The following GABRA5 variants were observed in gnomAD, a reference collection of about 807,000 sequenced individuals.
GABRA5 encodes gamma-aminobutyric acid receptor subunit alpha-5.
In GABRA5, 18 loss-of-function variants were observed where a neutral mutation model predicts 47.3. The observed-to-expected ratio is 0.38, with a 90% CI of 0.26 to 0.56. The LOEUF (loss-of-function observed/expected upper bound fraction) is 0.56. Among genes scored for constraint, GABRA5 ranks in the 20% least tolerant of loss-of-function variants. GABRA5 has a pLI of 0.71. For synonymous variants in GABRA5, 237 were observed against 229.3 expected (o/e 1.03, Z -0.30); for missense variants, 365 against 599.3 (o/e 0.61, Z 4.08).
At chr15:26,933,132 G>A (rs1894149892) in intron 7 of GABRA5, among the ~76,000 whole-genome samples, 1 of 151,894 alleles carries the variant, frequency 6.6e-6, no homozygotes, top group Admixed American at 6.6e-5. Context: ...GGCAGTGTGA[G>A]TGATGTTTGT....
intron 6 of GABRA5, among the ~76,000 whole-genome samples, chr15:26,889,707 C>G (rs1395566178): frequency 6.6e-6 from 1 of 152,134 alleles, no homozygotes; most frequent in Non-Finnish European, 1.5e-5. Flanking sequence ...TATTGGCTGA[C>G]TTGCAATTTT....
chr15:26,933,603 C>G (rs949671748), intron 7 of GABRA5, among the ~76,000 whole-genome samples: 4 of 152,230 alleles, frequency 2.6e-5, no homozygotes, highest in Non-Finnish European at 4.4e-5. Flanking sequence ...GACTCTCTCC[C>G]TGTCAGGCCA....
intron 7 of GABRA5, among the ~76,000 whole-genome samples, chr15:26,928,893 G>C (rs777579547): frequency 1.1e-4 from 17 of 152,158 alleles, no homozygotes; most frequent in Non-Finnish European, 2.4e-4. Flanking sequence ...TGGAAGGGGT[G>C]AGTGAATTCC....
intron 6 of GABRA5, among the ~76,000 whole-genome samples, chr15:26,885,395 C>G (rs891512806): frequency 3.0e-4 from 45 of 151,858 alleles, no homozygotes; most frequent in African/African-American, 9.9e-4. Context: ...TCTGGAGACA[C>G]AATCAGGGAC....
At chr15:26,877,808 T>C (rs910310178) in intron 3 of GABRA5, 1 of 377,622 alleles carries the variant, frequency 2.6e-6, no homozygotes, top group African/African-American at 2.1e-5. Flanking sequence ...GAGAACCTAG[T>C]GAATTAACCC....
intron 6 of GABRA5, among the ~76,000 whole-genome samples, chr15:26,906,021 G>C (rs1215458355): frequency 2.0e-5 from 3 of 151,858 alleles, no homozygotes; most frequent in Non-Finnish European, 4.4e-5. Context: ...CCTTTGAACA[G>C]GCCATTGTTT....
At chr15:26,884,705 A>G (rs1892830485) in intron 6 of GABRA5, among the ~76,000 whole-genome samples, 3 of 152,014 alleles carry the variant, frequency 2.0e-5, no homozygotes, top group Non-Finnish European at 4.4e-5. Context: ...TTAAAGGGGA[A>G]AAAAAAATCA....
intron 6 of GABRA5, among the ~76,000 whole-genome samples, chr15:26,887,000 C>T (rs576983923): frequency 6.6e-6 from 1 of 152,152 alleles, no homozygotes; most frequent in Non-Finnish European, 1.5e-5. Context: ...CACCAAAGCA[C>T]GAATCACCCT....
chr15:26,909,546 T>C lies in GABRA5; in HGVS notation c.498-5257T>C, dbSNP rs963738057. The stretch of plus-strand genomic sequence containing the variant: ...GGCTACAGTCAAGCTGTTGGCAGGA[T>C]TGCATTTCTTTTGGACGCTCTAGGG... On this transcript the variant is annotated intron_variant, in intron 6 of 10. Coordinates refer to ENST00000335625, the MANE Select transcript of GABRA5 (RefSeq NM_000810.4). Among the ~76,000 whole-genome samples the C allele has an allele frequency of 5.3e-5, 8 of 152,260 alleles. No homozygotes were observed. The South Asian group carries it at 1.0e-3, about 20-fold the overall frequency.
At chr15:26,873,903 A>G (rs1892530153) in intron 3 of GABRA5, among the ~76,000 whole-genome samples, 1 of 152,254 alleles carries the variant, frequency 6.6e-6, no homozygotes, top group South Asian at 2.1e-4. Flanking sequence ...TAGGTGGTTA[A>G]AAGAGGACTA....
At chr15:26,926,574 A>AGGGG in intron 7 of GABRA5, among the ~76,000 whole-genome samples, 1 of 152,140 alleles carries the variant, frequency 6.6e-6, no homozygotes, top group Non-Finnish European at 1.5e-5. Context: ...CATTACTTAG[A>AGGGG]ACAAAGGACC....
chr15:26,942,978 G>T (rs549303072), intron 9 of GABRA5, among the ~76,000 whole-genome samples: 1 of 152,298 alleles, frequency 6.6e-6, no homozygotes, highest in South Asian at 2.1e-4. Flanking sequence ...CAGCTACTCA[G>T]GCAGCTGAGG....
intron 6 of GABRA5, among the ~76,000 whole-genome samples, chr15:26,903,197 G>A (rs1044313824): frequency 6.6e-6 from 1 of 152,070 alleles, no homozygotes; most frequent in African/African-American, 2.4e-5. Flanking sequence ...ACTTATAAGT[G>A]AGAACATGTG....
intron 7 of GABRA5, among the ~76,000 whole-genome samples, chr15:26,923,165 A>G (rs1893882444): frequency 6.6e-6 from 1 of 152,144 alleles, no homozygotes; most frequent in South Asian, 2.1e-4. Flanking sequence ...ATTTTATTAT[A>G]TTTATCCATA....
intron 2 of GABRA5, among the ~76,000 whole-genome samples, 159 bp from the exon 3 acceptor site, chr15:26,869,016 G>A (rs1207183510): frequency 6.6e-6 from 1 of 152,156 alleles, no homozygotes; most frequent in East Asian, 1.9e-4. Context: ...TTACTGCCCA[G>A]TGAGGGTGAT....
At chr15:26,871,126 G>A (rs1206346616) in intron 3 of GABRA5, among the ~76,000 whole-genome samples, 1 of 152,166 alleles carries the variant, frequency 6.6e-6, no homozygotes, top group Non-Finnish European at 1.5e-5. Flanking sequence ...CCCGGGAGGT[G>A]GAGGTTGCTG....
chr15:26,874,028 G>A (rs1056129640), intron 3 of GABRA5, among the ~76,000 whole-genome samples: 4 of 152,200 alleles, frequency 2.6e-5, no homozygotes, highest in Admixed American at 6.5e-5. Flanking sequence ...CAGGAGAGTC[G>A]GCCAGCGCAG....
intron 3 of GABRA5, among the ~76,000 whole-genome samples, chr15:26,871,881 A>G (rs1233398673): frequency 2.0e-5 from 3 of 152,162 alleles, no homozygotes; most frequent in Non-Finnish European, 4.4e-5. Context: ...TTGGCTTACA[A>G]GTTTTCTTAG....
At chr15:26,875,614 C>T (rs1892576735) in intron 3 of GABRA5, among the ~76,000 whole-genome samples, 1 of 152,048 alleles carries the variant, frequency 6.6e-6, no homozygotes, top group Non-Finnish European at 1.5e-5. Flanking sequence ...GGAGGAATGG[C>T]GGGTGAATCC....
Sources: allele counts gnomAD v4.1 joint callset (sites outside exome capture counted in the v4.1 genomes callset), GRCh38; gene constraint gnomAD v4.1.1; transcripts MANE v1.5; gene names NCBI Gene and HGNC (gene_info 2026-07-23, HGNC 2026-07-21).